The following NDUFAF6 variants were observed in gnomAD, a reference collection of about 807,000 sequenced individuals.
The protein encoded by NDUFAF6 is NADH:ubiquinone oxidoreductase complex assembly factor 6.
A neutral mutation model predicts 40.8 loss-of-function variants in NDUFAF6; 45 were observed. The ratio of observed to expected loss-of-function variants is 1.10; its 90% confidence interval spans 0.87 to 1.42. The LOEUF (loss-of-function observed/expected upper bound fraction) is 1.42, where lower values mean the gene tolerates loss of function less well. NDUFAF6 is among the 40% of genes most tolerant of loss of function. The probability of loss-of-function intolerance (pLI) is 0.00; values close to 1 mark genes in which losing one functional copy is unlikely to be tolerated. For synonymous variants in NDUFAF6, 185 were observed against 155.9 expected, an observed-to-expected ratio of 1.19 and a Z score of -1.39; for missense variants, 435 against 418.5, an observed-to-expected ratio of 1.04 and a Z score of -0.34.
intron 2 of NDUFAF6, chr8:95,102,940 C>T (rs550860321): frequency 1.1e-4 from 16 of 152,298 alleles, no homozygotes; most frequent in South Asian, 6.2e-4. Context: ...AACTGACAGC[C>T]GCACACCAAC....
At chr8:95,061,798 C>T (rs986478276), downstream of NDUFAF6, among the ~76,000 whole-genome samples, 6 of 152,074 alleles carry the variant, frequency 3.9e-5, no homozygotes, top group African/African-American at 9.7e-5. Context: ...CTGTAGTATA[C>T]GCTGAAAGAT....
In NDUFAF6 at chr8:95,035,482, T is replaced by C. The variant is rs372565148; in HGVS notation, c.326T>C (p.Ile109Thr). 18 of 1,613,632 alleles carry C rather than the reference T, an allele frequency of 1.1e-5. No homozygotes were observed. In the African/African-American group the frequency reaches 1.5e-4, roughly 13 times the overall value. The stretch of plus-strand genomic sequence containing the variant: ...AAAGACTCAGTCTCTGAGAAAACAA[T>C]TGGACTGATGCGAATGCAGTTTTGG... ...QVKDSVSEKT[I>T]GLMRMQFWKK... The change falls in exon 3 of 9, where the codon ATT becomes ACT. Residue 109 changes from isoleucine to threonine, a missense_variant. Ile to Thr is a moderately conservative substitution (Grantham distance 89). Transcript: ENST00000396124.
At chr8:94,967,336 G>T (rs1464563494) in intron 1 of NDUFAF6, among the ~76,000 whole-genome samples, 2 of 152,186 alleles carry the variant, frequency 1.3e-5, no homozygotes, top group Non-Finnish European at 2.9e-5. Context: ...GCCATGGAGT[G>T]GCTGAAGCAG....
At chr8:95,001,179 C>T (rs549987834) in intron 2 of NDUFAF6, among the ~76,000 whole-genome samples, 1 of 152,150 alleles carries the variant, frequency 6.6e-6, no homozygotes, top group East Asian at 1.9e-4. Context: ...TGGTCTTGAA[C>T]TCCTGAACTC....
chr8:94,898,430 A>G (rs1055525009), intron 1 of NDUFAF6, among the ~76,000 whole-genome samples: 6 of 152,228 alleles, frequency 3.9e-5, no homozygotes, highest in Admixed American at 3.3e-4. Flanking sequence ...CCATGCGACA[A>G]AAACATCAGA....
At chr8:95,075,582 T>C (rs750136324) in intron 9 of NDUFAF6, 470 of 1,277,104 alleles carry the variant, frequency 3.7e-4, no homozygotes, top group Non-Finnish European at 4.7e-4. Flanking sequence ...AATGTTTCCC[T>C]AGAATTTTCT....
intron 4 of NDUFAF6, 30 bp from the exon 5 acceptor site, chr8:95,045,515 C>A: frequency 6.6e-7 from 1 of 1,513,626 alleles, no homozygotes; most frequent in Non-Finnish European, 9.2e-7. Flanking sequence ...GACAGTTCAA[C>A]AGACTTTATT....
At chr8:94,958,699 C>T (rs983684448) in intron 1 of NDUFAF6, among the ~76,000 whole-genome samples, 6 of 151,762 alleles carry the variant, frequency 4.0e-5, no homozygotes, top group Admixed American at 3.9e-4. Flanking sequence ...CATGTAGAGA[C>T]AGGGTTTTAC....
At chr8:94,966,585 C>T (rs1451835515) in intron 1 of NDUFAF6, among the ~76,000 whole-genome samples, 4 of 152,218 alleles carry the variant, frequency 2.6e-5, no homozygotes, top group Admixed American at 2.6e-4. Context: ...CAGAGTGAGA[C>T]CTTGTCTCTA....
chr8:94,909,348 CAAAAAAAAA>C (rs556065794), intron 1 of NDUFAF6, among the ~76,000 whole-genome samples: 388 of 91,798 alleles, frequency 4.2e-3, no homozygotes, highest in Middle Eastern at 0.014. Context: ...GACTCCGTCT[CAAAAAAAAA>C]AAAAAAAAAA....
At position 94,940,309 on chromosome 8, in the gene NDUFAF6, C is replaced by A. The variant is rs554392224; in HGVS notation, c.-935-5174C>A. The A allele has an allele frequency of 2.0e-4, 287 of 1,439,260 alleles. No homozygotes were observed. The African/African-American group carries it at 3.5e-3, about 18-fold the overall frequency. 89.2% of individuals were successfully genotyped at this position (1,439,260 alleles called of 1,614,324 possible). A position where few individuals can be genotyped will look rare whatever the true frequency, so the allele number is the denominator to read the frequency against. ...TCACATTGGGCAGTCATTATAAAGT[C>A]ACCCATCAAATTCACAGCACAGAAA... is the stretch of plus-strand genomic sequence containing the variant. On this transcript the variant is annotated intron_variant, in intron 1 of 14. Transcript: ENST00000396113.
At chr8:94,898,519 A>C (rs752637139) in intron 1 of NDUFAF6, among the ~76,000 whole-genome samples, 1 of 152,190 alleles carries the variant, frequency 6.6e-6, no homozygotes, top group Non-Finnish European at 1.5e-5. Flanking sequence ...TTTTCATCAC[A>C]TCATACTAAG....
chr8:95,105,070 GA>G (rs1809790760), downstream of NDUFAF6, among the ~76,000 whole-genome samples: 1 of 10,200 alleles, frequency 9.8e-5, no homozygotes, highest in Non-Finnish European at 2.0e-4. Context: ...CACACACAGA[GA>G]GAGAGAGAGA....
At chr8:94,935,812 GT>G (rs990293866) in intron 1 of NDUFAF6, among the ~76,000 whole-genome samples, 5 of 152,228 alleles carry the variant, frequency 3.3e-5, no homozygotes, top group African/African-American at 1.2e-4. Flanking sequence ...ACGTAAAGAA[GT>G]TATATCCCCT....
chr8:95,024,889 G>A (rs1237973374), upstream of NDUFAF6: 1 of 870,622 alleles, frequency 1.1e-6, no homozygotes, highest in African/African-American at 1.8e-5. Flanking sequence ...TCTTCTTTGA[G>A]CGGCGTCCAG....
chr8:95,059,778 G>A (rs1457220373), downstream of NDUFAF6, among the ~76,000 whole-genome samples: 1 of 152,126 alleles, frequency 6.6e-6, no homozygotes, highest in African/African-American at 2.4e-5. Flanking sequence ...GAACCTGGGA[G>A]GTAGAGGTTG....
intron 2 of NDUFAF6, among the ~76,000 whole-genome samples, chr8:95,017,353 G>A (rs993725393): frequency 6.6e-6 from 1 of 152,054 alleles, no homozygotes; most frequent in African/African-American, 2.4e-5. Context: ...CTTACAGGAA[G>A]GGAACAAGGG....
upstream of NDUFAF6, among the ~76,000 whole-genome samples, chr8:95,022,914 TGA>T (rs137924233): frequency 4.3e-3 from 638 of 149,938 alleles, 1 homozygote; most frequent in South Asian, 7.6e-3. Context: ...GAGTAAGTGA[TGA>T]GAGAGAGAGA....
Position 95,109,107 on chromosome 8 carries a change from A to G in NDUFAF6, n.344+6096A>G, listed in dbSNP as rs550727088. On this transcript the variant is annotated intron_variant and non_coding_transcript_variant, in intron 4 of 5. Coordinates refer to the NDUFAF6 transcript ENST00000523184. ...ATTTACAGTTTATCCCATTTGCAGG[A>G]TTTTTCCCAGCTCCAAGCTCTTTCA... 3.7e-4 allele frequency among the ~76,000 whole-genome samples: 57 copies of G among 152,236 alleles called. No homozygotes were observed. The South Asian group carries it at 0.011, about 30-fold the overall frequency.
Sources: gnomAD v4.1 joint callset for allele counts (sites outside exome capture counted in the v4.1 genomes callset) on GRCh38, gnomAD v4.1.1 for gene constraint, MANE v1.5 for transcripts, NCBI Gene and HGNC (gene_info 2026-07-23, HGNC 2026-07-21) for gene names.